The following SOX5 variants were observed in gnomAD, a reference collection of about 807,000 sequenced individuals.
The protein encoded by SOX5 is SRY-box transcription factor 5.
Under a neutral mutation model 92.0 loss-of-function variants are expected in SOX5, and 9 were observed. The ratio of observed to expected loss-of-function variants is 0.10; its 90% CI spans 0.06 to 0.17. The LOEUF is 0.17. Ranked by LOEUF, SOX5 falls within the 10% of genes least tolerant of loss-of-function variation. SOX5 has a pLI of 1.00. For missense variants in SOX5, 642 were observed against 944.5 expected, an observed-to-expected ratio of 0.68 and a Z score of 4.20; for synonymous variants, 344 against 336.3, an observed-to-expected ratio of 1.02 and a Z score of -0.25.
chr12:24,070,446 A>G (rs1281478149), intron 4 of SOX5, among the ~76,000 whole-genome samples: 1 of 152,180 alleles, frequency 6.6e-6, no homozygotes, highest in Non-Finnish European at 1.5e-5. Context: ...GGCAATACAT[A>G]TCCTAAAATA....
chr12:23,970,909 C>T (rs1948247161), intron 4 of SOX5, among the ~76,000 whole-genome samples: 1 of 135,136 alleles, frequency 7.4e-6, no homozygotes, highest in Non-Finnish European at 1.6e-5. Context: ...TCCACCTCAG[C>T]CCTCTGAGTA....
At chr12:24,313,299 G>T (rs59043921) in intron 2 of SOX5, among the ~76,000 whole-genome samples, 80 of 152,210 alleles carry the variant, frequency 5.3e-4, no homozygotes, top group African/African-American at 1.9e-3. Flanking sequence ...AGGCCAAGGC[G>T]AGAGGATAGC....
At chr12:23,688,925 C>A (rs1859610333) in intron 6 of SOX5, among the ~76,000 whole-genome samples, 1 of 152,058 alleles carries the variant, frequency 6.6e-6, no homozygotes, top group Non-Finnish European at 1.5e-5. Flanking sequence ...TATATCCTTT[C>A]TAAAAAAAGA....
intron 3 of SOX5, among the ~76,000 whole-genome samples, chr12:23,830,242 A>T (rs533497822): frequency 2.1e-4 from 32 of 152,216 alleles, no homozygotes; most frequent in Middle Eastern, 3.4e-3. Flanking sequence ...TCTTGTCCTG[A>T]CCTTTAAAAA....
chr12:23,850,697 C>G (rs1345110258), intron 2 of SOX5, among the ~76,000 whole-genome samples: 1 of 152,006 alleles, frequency 6.6e-6, no homozygotes, highest in Non-Finnish European at 1.5e-5. Context: ...AGAGCTCTTT[C>G]AATTATTTCT....
chr12:24,224,423 A>T (rs1467340889), intron 3 of SOX5, among the ~76,000 whole-genome samples: 3 of 152,050 alleles, frequency 2.0e-5, no homozygotes, highest in East Asian at 1.9e-4. Flanking sequence ...AGCCAATCAC[A>T]TTATTCCTTA....
chr12:23,879,620 T>C (rs962768528), intron 2 of SOX5, among the ~76,000 whole-genome samples: 1 of 152,132 alleles, frequency 6.6e-6, no homozygotes, highest in African/African-American at 2.4e-5. Context: ...TTAATGTATG[T>C]TTTCTTTTTC....
chr12:24,421,183 T>C (rs1160705270), intron 1 of SOX5, among the ~76,000 whole-genome samples: 2 of 152,208 alleles, frequency 1.3e-5, no homozygotes, highest in Non-Finnish European at 2.9e-5. Flanking sequence ...GTGATTAGCA[T>C]GGTATACATG....
intron 3 of SOX5, among the ~76,000 whole-genome samples, chr12:23,802,945 C>T (rs896238428): frequency 2.0e-5 from 3 of 152,196 alleles, no homozygotes; most frequent in African/African-American, 7.2e-5. Flanking sequence ...ACTCCCGCCC[C>T]TCTTCCCCAA....
At chr12:23,732,660 C>T (rs1191995445) in intron 6 of SOX5, among the ~76,000 whole-genome samples, 2 of 152,198 alleles carry the variant, frequency 1.3e-5, no homozygotes, top group East Asian at 1.9e-4. Flanking sequence ...CCTTTAGGGA[C>T]TTTTTCTTTT....
At chr12:23,921,324 G>T (rs1405413265) in intron 1 of SOX5, among the ~76,000 whole-genome samples, 1 of 151,712 alleles carries the variant, frequency 6.6e-6, no homozygotes, top group East Asian at 1.9e-4. Flanking sequence ...CCCTATGAAA[G>T]GCAAATCATG....
At chr12:23,781,377 A>G (rs2095275807) in intron 3 of SOX5, among the ~76,000 whole-genome samples, 1 of 152,016 alleles carries the variant, frequency 6.6e-6, no homozygotes, top group Non-Finnish European at 1.5e-5. Flanking sequence ...TGTTACTAAT[A>G]GATAACTGAA....
chr12:23,790,789 T>C (rs566915435), intron 3 of SOX5, among the ~76,000 whole-genome samples: 1 of 152,280 alleles, frequency 6.6e-6, no homozygotes, highest in South Asian at 2.1e-4. Flanking sequence ...AAAGTTAGTG[T>C]CTAGTTATTG....
intron 1 of SOX5, among the ~76,000 whole-genome samples, chr12:24,419,314 A>G (rs1311235298): frequency 6.6e-6 from 1 of 151,964 alleles, no homozygotes; most frequent in Non-Finnish European, 1.5e-5. Flanking sequence ...ATTTTTTTGT[A>G]TTTTAGTAGA....
intron 1 of SOX5, among the ~76,000 whole-genome samples, chr12:24,371,790 C>G (rs1349249751): frequency 6.6e-6 from 1 of 152,164 alleles, no homozygotes; most frequent in African/African-American, 2.4e-5. Context: ...GAGTTCCAGA[C>G]CAGCCTATCC....
At chr12:24,299,267 A>G (rs1947679789) in intron 2 of SOX5, among the ~76,000 whole-genome samples, 1 of 152,180 alleles carries the variant, frequency 6.6e-6, no homozygotes, top group Non-Finnish European at 1.5e-5. Context: ...CAATTCCCCT[A>G]AAATGTGAGA....
At chr12:23,897,767 G>T (rs1055289082) in intron 1 of SOX5, among the ~76,000 whole-genome samples, 2 of 152,108 alleles carry the variant, frequency 1.3e-5, no homozygotes, top group South Asian at 2.1e-4. Context: ...AGATGTAATA[G>T]CAAGTGTTCA....
chr12:23,802,764 G>A (rs960757332), intron 3 of SOX5, among the ~76,000 whole-genome samples: 1 of 151,972 alleles, frequency 6.6e-6, no homozygotes, highest in Non-Finnish European at 1.5e-5. Context: ...GTCATATTAG[G>A]TAAAAGTGGA....
intron 1 of SOX5, chr12:23,920,239 G>C (rs192697518): frequency 5.3e-4 from 81 of 152,264 alleles, no homozygotes; most frequent in African/African-American, 1.8e-3. Flanking sequence ...CGATAGAAAA[G>C]AATGTTTTTA....
Sources: allele counts gnomAD v4.1 joint callset (sites outside exome capture counted in the v4.1 genomes callset), GRCh38; gene constraint gnomAD v4.1.1; transcripts MANE v1.5; gene names NCBI Gene and HGNC (gene_info 2026-07-23, HGNC 2026-07-21).